ADAMTS6: variants seen among roughly 807,000 people sequenced by gnomAD.
ADAMTS6 encodes ADAM metallopeptidase with thrombospondin type 1 motif 6, also known as A disintegrin and metalloproteinase with thrombospondin motifs 6.
A neutral mutation model predicts 144.3 loss-of-function variants in ADAMTS6; 23 were observed. That is an observed-to-expected ratio of 0.16 (90% CI 0.11 to 0.23). The LOEUF (loss-of-function observed/expected upper bound fraction) is 0.23. Ranked by LOEUF, ADAMTS6 falls within the 10% of genes least tolerant of loss-of-function variation. The pLI, the probability that ADAMTS6 is intolerant of heterozygous loss-of-function variation, is 1.00. For missense variants in ADAMTS6, 999 were observed against 1,379.6 expected, an observed-to-expected ratio of 0.72 and a Z score of 4.37; for synonymous variants, 444 against 457.5, an observed-to-expected ratio of 0.97 and a Z score of 0.38.
At chr5:65,193,826 G>A (rs1274200597) in intron 21 of ADAMTS6, among the ~76,000 whole-genome samples, 3 of 152,106 alleles carry the variant, frequency 2.0e-5, no homozygotes, top group East Asian at 3.8e-4. Flanking sequence ...AGCCAAAATC[G>A]TTCAAGAGTG....
At chr5:65,244,080 A>G (rs889412680) in intron 14 of ADAMTS6, among the ~76,000 whole-genome samples, 3 of 152,158 alleles carry the variant, frequency 2.0e-5, no homozygotes, top group Admixed American at 2.0e-4. Flanking sequence ...AGCTAGGGAT[A>G]TATCAGTTAA....
rs907770124 is a variant in ADAMTS6 at position 65,149,961 on chromosome 5, A to T, written c.*1875T>A. 6.6e-6 allele frequency: 1 copy of T among 152,428 alleles called. No individual in the cohort carries two copies. Among genetic ancestry groups the T allele is most frequent in the African/African-American group, 2.4e-5 (1 of 41,434 alleles). 9.4% of individuals were successfully genotyped at this position (152,428 alleles called of 1,614,324 possible). On this transcript the variant is annotated 3_prime_UTR_variant, in exon 25 of 25. Coordinates refer to ENST00000381055, the MANE Select transcript of ADAMTS6 (RefSeq NM_197941.4). ...CAGGGTTGAGAACTGTGGTGTTGAGAGAGAAAGCAGGTAACAAGATACAGA... is the reference window on the plus strand; with the variant it reads ...CAGGGTTGAGAACTGTGGTGTTGAGTGAGAAAGCAGGTAACAAGATACAGA...
At chr5:65,175,407 AC>A (rs1438158799) in intron 22 of ADAMTS6, among the ~76,000 whole-genome samples, 3 of 151,696 alleles carry the variant, frequency 2.0e-5, no homozygotes, top group Non-Finnish European at 4.4e-5. Context: ...GGAAAAAAAA[AC>A]AGTGTACCCT....
chr5:65,162,104 C>A (rs538375086), intron 24 of ADAMTS6, among the ~76,000 whole-genome samples: 1 of 152,284 alleles, frequency 6.6e-6, no homozygotes, highest in East Asian at 1.9e-4. Context: ...TAAGACAATT[C>A]CCTTAAGGCA....
chr5:65,316,578 A>G (rs1209229143), intron 9 of ADAMTS6, among the ~76,000 whole-genome samples: 13 of 152,186 alleles, frequency 8.5e-5, no homozygotes, highest in Non-Finnish European at 1.5e-5. Flanking sequence ...CTAAACAACT[A>G]TAAGCTGCTT....
chr5:65,376,408 G>A (rs148322774), intron 7 of ADAMTS6, among the ~76,000 whole-genome samples: 8,178 of 151,538 alleles, frequency 0.054, 280 homozygotes, highest in East Asian at 0.12. Flanking sequence ...CCAAAATTGC[G>A]CCACTGCAGT....
rs1483754118 is a variant in ADAMTS6, at chr5:65,214,996, T to C, written c.2437-64A>G. ...AATGAGCCTTCATTCAGATATTTAT[T>C]ATTCCTTTTGAAGAAGAAAATGTCA... On this transcript the variant is annotated intron_variant, in intron 19 of 24. Coordinates refer to ENST00000381055, the MANE Select transcript of ADAMTS6 (RefSeq NM_197941.4). This position sits in a 1 kb window ranked among gnomAD's most constrained non-coding sequence, Gnocchi z 4.6. The C allele has an allele frequency of 6.5e-7, 1 of 1,531,606 alleles. No homozygotes were observed. The highest frequency in any genetic ancestry group is 2.3e-5 in the East Asian group (1 of 44,230). The allele number at this position is 1,531,606 out of a possible 1,614,324, so 94.9% of individuals were successfully genotyped here.
intron 20 of ADAMTS6, among the ~76,000 whole-genome samples, chr5:65,209,712 A>T (rs765565070): frequency 6.6e-5 from 10 of 152,252 alleles, no homozygotes; most frequent in Non-Finnish European, 1.5e-4. Context: ...ATAACAAGTG[A>T]GAACACTGAA....
intron 20 of ADAMTS6, among the ~76,000 whole-genome samples, chr5:65,205,479 C>CTGTA (rs1263270354): frequency 1.3e-5 from 2 of 152,148 alleles, no homozygotes; most frequent in African/African-American, 2.4e-5. Flanking sequence ...GGCCTAAAGA[C>CTGTA]TGTACTACAT....
chr5:65,427,310 TA>T (rs1452133251), intron 7 of ADAMTS6, among the ~76,000 whole-genome samples: 18 of 151,846 alleles, frequency 1.2e-4, no homozygotes, highest in African/African-American at 4.1e-4. Context: ...TTATTATTAT[TA>T]TTTTTTTTTA....
At chr5:65,318,519 C>A (rs10056729) in intron 9 of ADAMTS6, among the ~76,000 whole-genome samples, 41,676 of 152,102 alleles carry the variant, frequency 0.27, 6,576 homozygotes, top group South Asian at 0.37. Context: ...AAATCTGGTA[C>A]ATATACATAA....
intron 7 of ADAMTS6, among the ~76,000 whole-genome samples, chr5:65,430,462 C>T (rs535867550): frequency 2.0e-5 from 3 of 152,174 alleles, no homozygotes; most frequent in East Asian, 1.9e-4. Flanking sequence ...ATCTTACTTT[C>T]GGAACATTTA....
Position 65,260,675 on chromosome 5 carries a change from T to A in ADAMTS6, c.1767-12A>T. The A allele has an allele frequency of 6.2e-7, 1 of 1,610,990 alleles. No individual in the cohort carries two copies. The highest frequency in any genetic ancestry group is 1.1e-5 in the South Asian group (1 of 90,952). ...CACCTCCTGAAGGTCTGAAAAAACA[T>A]TGTGTTTAAAATGTGAATACTAATA... On this transcript the variant is annotated splice_polypyrimidine_tract_variant and intron_variant, in intron 13 of 24. Coordinates refer to ENST00000381055, the MANE Select transcript of ADAMTS6 (RefSeq NM_197941.4).
At chr5:65,216,639 A>C (rs1299294942) in intron 18 of ADAMTS6, among the ~76,000 whole-genome samples, 1 of 152,156 alleles carries the variant, frequency 6.6e-6, no homozygotes, top group African/African-American at 2.4e-5. Flanking sequence ...AAAATAGTTA[A>C]ATCTTAAAAT....
At chr5:65,218,870 G>GTA (rs1351084598) in intron 18 of ADAMTS6, among the ~76,000 whole-genome samples, 1 of 152,094 alleles carries the variant, frequency 6.6e-6, no homozygotes, top group African/African-American at 2.4e-5. Flanking sequence ...GTAAACTGTT[G>GTA]TAAGGGTCTT....
chr5:65,248,929 A>G (rs1394967417), intron 14 of ADAMTS6, among the ~76,000 whole-genome samples: 1 of 152,150 alleles, frequency 6.6e-6, no homozygotes, highest in Non-Finnish European at 1.5e-5. Context: ...CCATAAATAT[A>G]TATACAATAC....
At chr5:65,237,067 T>A (rs550909687) in intron 15 of ADAMTS6, among the ~76,000 whole-genome samples, 7 of 152,044 alleles carry the variant, frequency 4.6e-5, no homozygotes, top group African/African-American at 1.7e-4. Flanking sequence ...ACCACATGGA[T>A]ATAACATAAA....
chr5:65,251,816 T>A (rs896158052), intron 14 of ADAMTS6: 1 of 152,234 alleles, frequency 6.6e-6, no homozygotes, highest in Admixed American at 6.5e-5. Context: ...ATTCTTAGAA[T>A]GAAAGTTTTG....
intron 7 of ADAMTS6, among the ~76,000 whole-genome samples, chr5:65,435,424 T>C (rs935197661): frequency 6.6e-6 from 1 of 152,126 alleles, no homozygotes; most frequent in African/African-American, 2.4e-5. Flanking sequence ...TAAATCTACA[T>C]GGGTTTCTTA....
Sources: allele counts gnomAD v4.1 joint callset (sites outside exome capture counted in the v4.1 genomes callset), GRCh38; gene constraint gnomAD v4.1.1; non-coding constraint Gnocchi (gnomAD v3.1); transcripts MANE v1.5; gene names NCBI Gene and HGNC (gene_info 2026-07-23, HGNC 2026-07-21).